ALK: variants seen among roughly 807,000 people sequenced by gnomAD.
ALK encodes ALK receptor tyrosine kinase.
A neutral mutation model predicts 163.1 loss-of-function variants in ALK; 74 were observed. That is an observed-to-expected ratio of 0.45 (90% CI 0.38 to 0.55). The LOEUF is 0.55. ALK is among the 20% of genes least tolerant of loss of function. The pLI is 0.00. For synonymous variants in ALK, 960 were observed against 843.2 expected (o/e 1.14, Z -2.40); for missense variants, 2,063 against 2,105.3 (o/e 0.98, Z 0.39).
intron 5 of ALK, among the ~76,000 whole-genome samples, chr2:29,382,341 T>C (rs1016987780): frequency 3.3e-5 from 5 of 152,118 alleles, no homozygotes; most frequent in African/African-American, 1.2e-4. Context: ...ACACAGGCTA[T>C]GGGGGATGAA....
intron 8 of ALK, among the ~76,000 whole-genome samples, chr2:29,305,345 C>A (rs985706363): frequency 6.6e-6 from 1 of 152,054 alleles, no homozygotes; most frequent in Admixed American, 6.5e-5. Flanking sequence ...AGTAATGACC[C>A]GAGGATGTAT....
intron 4 of ALK, among the ~76,000 whole-genome samples, chr2:29,404,550 T>A (rs551347697): frequency 1.3e-5 from 2 of 152,280 alleles, no homozygotes; most frequent in South Asian, 2.1e-4. Context: ...CTTCAAGGAA[T>A]CTTTAGTGGT....
intron 4 of ALK, among the ~76,000 whole-genome samples, chr2:29,505,205 G>A (rs982928591): frequency 2.0e-5 from 3 of 152,190 alleles, no homozygotes; most frequent in African/African-American, 4.8e-5. Flanking sequence ...TGAGAAGGCT[G>A]TGAATTCTCT....
chr2:29,305,431 G>A (rs1212816225), intron 8 of ALK, among the ~76,000 whole-genome samples: 1 of 152,112 alleles, frequency 6.6e-6, no homozygotes, highest in Admixed American at 6.6e-5. Context: ...CTGGAGGCCT[G>A]GTATCAGTTC....
At chr2:29,388,026 C>T (rs1334587499) in intron 4 of ALK, among the ~76,000 whole-genome samples, 1 of 152,174 alleles carries the variant, frequency 6.6e-6, no homozygotes, top group African/African-American at 2.4e-5. Context: ...TCAGGATAGA[C>T]ACACTGGCCA....
rs183114289 is a variant in ALK at position 29,677,377 on chromosome 2, C to T, written c.952+17473G>A. Among the ~76,000 whole-genome samples, 180 of 151,424 alleles carry T rather than the reference C, an allele frequency of 1.2e-3. 2 individuals carry two copies. Among genetic ancestry groups the T allele is most frequent in the Non-Finnish European group, 2.0e-3 (137 of 67,872 alleles). The stretch of plus-strand genomic sequence containing the variant: ...CCTTATTCTTAATCTTGGAGACAAG[C>T]TTTTAGTCTTTCATTATTATGTTGT... On this transcript the variant is annotated intron_variant, in intron 3 of 28. Transcript: ENST00000389048.
intron 9 of ALK, among the ~76,000 whole-genome samples, chr2:29,285,934 CAA>C (rs1665845437): frequency 6.6e-6 from 1 of 152,096 alleles, no homozygotes; most frequent in Non-Finnish European, 1.5e-5. Context: ...CACTCTCTCC[CAA>C]AAAGATTTCT....
intron 3 of ALK, among the ~76,000 whole-genome samples, chr2:29,620,907 A>T (rs987906526): frequency 2.0e-5 from 3 of 152,232 alleles, no homozygotes; most frequent in African/African-American, 7.2e-5. Context: ...GCAAACTGAC[A>T]ATTGTGCTAT....
At chr2:29,724,129 GC>G (rs1679499160) in intron 1 of ALK, among the ~76,000 whole-genome samples, 1 of 152,162 alleles carries the variant, frequency 6.6e-6, no homozygotes, top group Admixed American at 6.5e-5. Flanking sequence ...TTACATGAAT[GC>G]CCCAGGCTCA....
chr2:29,525,624 T>C (rs1672937517), intron 4 of ALK, among the ~76,000 whole-genome samples: 1 of 151,932 alleles, frequency 6.6e-6, no homozygotes, highest in South Asian at 2.1e-4. Context: ...ACCCTGTCTC[T>C]ACTAAAAATA....
chr2:29,335,250 G>A (rs55889709), intron 5 of ALK, among the ~76,000 whole-genome samples: 29,803 of 152,134 alleles, frequency 0.2, 3,506 homozygotes, highest in African/African-American at 0.33. Context: ...TTTTATTAGT[G>A]AGGGTCCTTT....
Position 29,628,679 on chromosome 2 carries a change from CAATT to C in ALK, c.952+66167_952+66170del, listed in dbSNP as rs1446144338. On this transcript the variant is annotated intron_variant, in intron 3 of 28. Coordinates refer to ENST00000389048, the MANE Select transcript of ALK (RefSeq NM_004304.5). ...CAGAAAATATGTCTGGCTACCTTAA[CAATT>C]AAAACCAAATCTCTGGCAGAGATGA... Among the ~76,000 whole-genome samples the C allele has an allele frequency of 2.0e-5, 3 of 152,296 alleles. No individual in the cohort carries two copies. The South Asian group carries it at 6.2e-4, about 32-fold the overall frequency.
At chr2:29,761,141 C>T (rs1469393866) in intron 1 of ALK, among the ~76,000 whole-genome samples, 1 of 152,164 alleles carries the variant, frequency 6.6e-6, no homozygotes, top group Non-Finnish European at 1.5e-5. Context: ...GCCTTAGTAG[C>T]CCCCTACTCA....
chr2:29,212,710 C>CT (rs59049700), intron 24 of ALK, among the ~76,000 whole-genome samples: 1,635 of 150,580 alleles, frequency 0.011, 28 homozygotes, highest in African/African-American at 0.038. Context: ...TTTGTTTTTT[C>CT]TTTTTTTTTC....
At chr2:29,335,871 C>A (rs1194313947) in intron 5 of ALK, among the ~76,000 whole-genome samples, 1 of 152,004 alleles carries the variant, frequency 6.6e-6, no homozygotes, top group East Asian at 1.9e-4. Flanking sequence ...GAAACCCCAT[C>A]TCTACTAAAA....
chr2:29,620,906 C>A (rs148611271), intron 3 of ALK, among the ~76,000 whole-genome samples: 56 of 152,264 alleles, frequency 3.7e-4, no homozygotes, highest in African/African-American at 1.3e-3. Flanking sequence ...AGCAAACTGA[C>A]AATTGTGCTA....
At chr2:29,392,957 T>C (rs1669212288) in intron 4 of ALK, among the ~76,000 whole-genome samples, 1 of 68,950 alleles carries the variant, frequency 1.5e-5, no homozygotes, top group African/African-American at 5.1e-5. Context: ...TATTTAAGGT[T>C]ACTGTGTTTA....
At chr2:29,912,354 A>G (rs930825559) in intron 1 of ALK, among the ~76,000 whole-genome samples, 1 of 152,198 alleles carries the variant, frequency 6.6e-6, no homozygotes, top group African/African-American at 2.4e-5. Context: ...AAGCAATTAC[A>G]AAAAGGAACA....
At chr2:29,656,533 G>A (rs1368779854) in intron 3 of ALK, among the ~76,000 whole-genome samples, 1 of 152,144 alleles carries the variant, frequency 6.6e-6, no homozygotes, top group African/African-American at 2.4e-5. Context: ...TCATTGAATA[G>A]TTACAATGCA....
Sources: allele counts gnomAD v4.1 joint callset (sites outside exome capture counted in the v4.1 genomes callset), GRCh38; gene constraint gnomAD v4.1.1; transcripts MANE v1.5; gene names NCBI Gene and HGNC (gene_info 2026-07-23, HGNC 2026-07-21).